Variants in AGMO observed in about 807,000 individuals in gnomAD.
AGMO encodes glyceryl-ether monooxygenase.
AGMO carries 75 observed loss-of-function variants against 60.2 expected under a neutral mutation model. The ratio of observed to expected loss-of-function variants is 1.25; its 90% CI spans 1.03 to 1.51. The LOEUF is 1.51. AGMO is among the 40% of genes most tolerant of loss of function. The pLI is 0.00. For synonymous variants in AGMO, 261 were observed against 177.1 expected (o/e 1.47, Z -3.76); for missense variants, 763 against 525.5 (o/e 1.45, Z -4.42).
rs1227647870 is a variant in AGMO, at chr7:15,390,682, T to C, written c.811A>G (p.Ile271Val). 3.1e-6 allele frequency: 5 copies of C among 1,597,772 alleles called. No homozygotes were observed. The South Asian group carries it at 3.4e-5, about 11-fold the overall frequency. ...LTHPINTFEP[I>V]KVQFHHLFSI... ...AACAAGTATGTTACCTGCACTTTGA[T>C]TGGTTCAAATGTATTAATGGGATGT... The change falls in exon 8 of 13, where the codon ATC becomes GTC. Residue 271 changes from isoleucine to valine, a missense_variant. Ile to Val is a conservative substitution (Grantham distance 29, BLOSUM62 3). Coordinates refer to ENST00000342526, the MANE Select transcript of AGMO (RefSeq NM_001004320.2).
rs1176926613 is a variant in AGMO, at chr7:15,529,534, TATATATATTCTATATATATAGA to T, written c.409+15216_409+15237del. Among the ~76,000 whole-genome samples the T allele has an allele frequency of 9.4e-3, 1,202 of 127,612 alleles. 26 individuals carry two copies. Among genetic ancestry groups the T allele is most frequent in the African/African-American group, 0.033 (1,126 of 33,886 alleles). The allele number at this position is 127,612 out of a possible 152,430, so 83.7% of individuals were successfully genotyped here. ...TAGAATCTGTTCTTAGACTAGAATA[TATATATATTCTATATATATAGA>T]ATATATATTCTATATATAGAGTATA... is the stretch of plus-strand genomic sequence containing the variant. On this transcript the variant is annotated intron_variant, in intron 3 of 12. Coordinates refer to ENST00000342526, the MANE Select transcript of AGMO (RefSeq NM_001004320.2).
chr7:15,354,239 A>G (rs1445868394), intron 12 of AGMO, among the ~76,000 whole-genome samples: 1 of 147,872 alleles, frequency 6.8e-6, no homozygotes, highest in African/African-American at 2.6e-5. Flanking sequence ...TCTATGTACC[A>G]TTACAGAACA....
chr7:15,347,076 A>G (rs10224359), intron 12 of AGMO, among the ~76,000 whole-genome samples: 84,205 of 151,752 alleles, frequency 0.55, 24,716 homozygotes, highest in African/African-American at 0.77. Flanking sequence ...ACTACATTAA[A>G]ATGAATCAAA....
At position 15,412,133 on chromosome 7, in the gene AGMO, T is replaced by C. The variant is rs565757617; in HGVS notation, c.609+6425A>G. ...GCTTTCTATTATTTCATTGTATATA[T>C]TACTTCATAATTCTGCTGCACATTT... On this transcript the variant is annotated intron_variant, in intron 5 of 12. Transcript: ENST00000342526. 1.0e-3 allele frequency among the ~76,000 whole-genome samples: 156 copies of C among 152,286 alleles called. 1 individual carries two copies. The highest frequency in any genetic ancestry group is 3.7e-3 in the African/African-American group (152 of 41,584).
chr7:15,177,226 A>G, the AGMO span, among the ~76,000 whole-genome samples: 58 of 152,228 alleles, frequency 3.8e-4, no homozygotes, highest in Non-Finnish European at 6.0e-4. Flanking sequence ...CATTTGAAAC[A>G]TACCAAAAAT....
chr7:15,460,425 C>A (rs1338539807), intron 3 of AGMO, among the ~76,000 whole-genome samples: 1 of 152,054 alleles, frequency 6.6e-6, no homozygotes, highest in Admixed American at 6.6e-5. Flanking sequence ...TTAATATCTG[C>A]AACCACATAT....
intron 5 of AGMO, among the ~76,000 whole-genome samples, chr7:15,411,320 A>G (rs1378682364): frequency 2.0e-5 from 3 of 151,966 alleles, no homozygotes; most frequent in Non-Finnish European, 2.9e-5. Context: ...ACAGACTATG[A>G]TACTTTGTAT....
intron 10 of AGMO, among the ~76,000 whole-genome samples, chr7:15,373,640 A>C (rs1482443683): frequency 6.6e-6 from 1 of 152,176 alleles, no homozygotes; most frequent in East Asian, 1.9e-4. Context: ...CAAACCTCAC[A>C]AAGGAGGTAT....
At chr7:15,213,913 G>A (rs964570004) in intron 12 of AGMO, among the ~76,000 whole-genome samples, 2 of 151,990 alleles carry the variant, frequency 1.3e-5, no homozygotes, top group Non-Finnish European at 2.9e-5. Flanking sequence ...ATGATGGAGT[G>A]CTTCAAGGAC....
chr7:15,547,375 C>G (rs1169377438), intron 2 of AGMO, among the ~76,000 whole-genome samples: 1 of 151,944 alleles, frequency 6.6e-6, no homozygotes, highest in African/African-American at 2.4e-5. Context: ...ACGCAGAAGA[C>G]GGGTGATTTC....
chr7:15,276,309 A>G (rs1177093873), intron 12 of AGMO, among the ~76,000 whole-genome samples: 1 of 152,102 alleles, frequency 6.6e-6, no homozygotes, highest in East Asian at 1.9e-4. Context: ...GCAGGATACA[A>G]AAGTATCGAC....
At chr7:15,552,368 T>C (rs1357181285) in intron 2 of AGMO, among the ~76,000 whole-genome samples, 1 of 152,128 alleles carries the variant, frequency 6.6e-6, no homozygotes, top group Admixed American at 6.5e-5. Flanking sequence ...GAAACTACCA[T>C]TAGAGTGAAC....
Position 15,461,218 on chromosome 7 carries a change from T to C in AGMO, c.410-30110A>G, listed in dbSNP as rs374446247. On this transcript the variant is annotated intron_variant, in intron 3 of 12. Transcript: ENST00000342526. Reference sequence around the variant, plus strand: ...ACTGCCTCATTATCACAATGCTGTATGCTTTTGAGATTGGCCTAATATTTA... The same window carrying C: ...ACTGCCTCATTATCACAATGCTGTACGCTTTTGAGATTGGCCTAATATTTA... Among the ~76,000 whole-genome samples, 32 of 152,220 alleles carry C rather than the reference T, an allele frequency of 2.1e-4. No individual in the cohort carries two copies. The East Asian group carries it at 4.2e-3, about 20-fold the overall frequency.
intron 3 of AGMO, among the ~76,000 whole-genome samples, chr7:15,514,249 T>C (rs1399883730): frequency 6.6e-6 from 1 of 152,208 alleles, no homozygotes; most frequent in Non-Finnish European, 1.5e-5. Flanking sequence ...TTTTCTTTTC[T>C]CTGTTAAAGT....
intron 3 of AGMO, among the ~76,000 whole-genome samples, chr7:15,525,535 C>G (rs1422918949): frequency 1.3e-5 from 2 of 152,124 alleles, no homozygotes; most frequent in African/African-American, 4.8e-5. Context: ...GAGAGAGAGA[C>G]CCCGCTGAGA....
chr7:15,533,386 G>A (rs1784415039), intron 3 of AGMO, among the ~76,000 whole-genome samples: 1 of 152,010 alleles, frequency 6.6e-6, no homozygotes, highest in South Asian at 2.1e-4. Context: ...TACCTATATA[G>A]TTATCTGGTT....
At chr7:15,141,277 T>C in the AGMO span, among the ~76,000 whole-genome samples, 1 of 152,094 alleles carries the variant, frequency 6.6e-6, no homozygotes, top group Admixed American at 6.6e-5. Flanking sequence ...AATTAACTAA[T>C]ATTAATAGTA....
intron 12 of AGMO, among the ~76,000 whole-genome samples, chr7:15,313,376 T>C (rs1185032765): frequency 3.3e-5 from 5 of 152,184 alleles, no homozygotes; most frequent in Non-Finnish European, 5.9e-5. Flanking sequence ...CAGAAGTTTA[T>C]TTTGCTGCTT....
intron 12 of AGMO, among the ~76,000 whole-genome samples, chr7:15,264,280 C>A (rs1783368246): frequency 6.6e-6 from 1 of 151,806 alleles, no homozygotes; most frequent in Non-Finnish European, 1.5e-5. Context: ...TACATCATAA[C>A]TACGTCAAAA....
Sources: allele counts gnomAD v4.1 joint callset (sites outside exome capture counted in the v4.1 genomes callset), GRCh38; gene constraint gnomAD v4.1.1; transcripts MANE v1.5; gene names NCBI Gene and HGNC (gene_info 2026-07-23, HGNC 2026-07-21).